Variants in LRTM1 observed in about 807,000 individuals in gnomAD.
LRTM1 encodes the protein leucine rich repeat transmembrane protein 1, also known as leucine-rich repeat and transmembrane domain-containing protein 1.
Under a neutral mutation model 32.4 loss-of-function variants are expected in LRTM1, and 38 were observed. The ratio of observed to expected loss-of-function variants is 1.17; its 90% CI spans 0.91 to 1.54. The LOEUF is 1.54. Among genes scored for constraint, LRTM1 ranks in the 40% most tolerant of loss-of-function variants. The probability of loss-of-function intolerance (pLI) is 0.00; values close to 1 mark genes in which losing one functional copy is unlikely to be tolerated. For missense variants in LRTM1, 466 were observed against 415.4 expected (o/e 1.12, Z -1.06); for synonymous variants, 186 against 169.9 (o/e 1.09, Z -0.74).
rs1404107289 is a variant in LRTM1, at chr3:54,924,786, T to C, written c.437A>G (p.Glu146Gly). ...TTGAACCGCAAGTATAGTTAGGTTC[T>C]CCCAAGTCTCTCCCAAGGATGTGGG... ...HLPTSLGETW[E>G]NLTILAVQQN... The change falls in exon 2 of 3, where the codon GAG becomes GGG. Residue 146 changes from glutamate (E) to glycine (G), a missense_variant. Glu to Gly is a moderately conservative substitution (Grantham distance 98). Transcript: ENST00000273286. 1.2e-6 allele frequency: 2 copies of C among 1,613,984 alleles called. No individual in the cohort carries two copies. Among genetic ancestry groups the C allele is most frequent in the African/African-American group, 2.7e-5 (2 of 74,898 alleles).
chr3:54,945,540 A>T (rs924702575), intron 1 of LRTM1, among the ~76,000 whole-genome samples: 1 of 152,006 alleles, frequency 6.6e-6, no homozygotes, highest in East Asian at 1.9e-4. Flanking sequence ...GGAGGCCTGG[A>T]CTTCTTTCCA....
At chr3:54,930,453 T>G (rs1701157127), upstream of LRTM1, among the ~76,000 whole-genome samples, 1 of 152,130 alleles carries the variant, frequency 6.6e-6, no homozygotes, top group African/African-American at 2.4e-5. Context: ...CCTCTTTAGG[T>G]TATAGTGGAG....
chr3:54,952,608 C>T (rs545553017), intron 1 of LRTM1, among the ~76,000 whole-genome samples: 16 of 152,200 alleles, frequency 1.1e-4, no homozygotes, highest in Non-Finnish European at 1.8e-4. Context: ...TTAGGTGAGT[C>T]CCTTTGGCTC....
intron 2 of LRTM1, among the ~76,000 whole-genome samples, chr3:54,919,444 G>A (rs1165162313): frequency 2.6e-5 from 4 of 152,220 alleles, no homozygotes; most frequent in African/African-American, 4.8e-5. Context: ...GACAATACTG[G>A]AAGTTTAGTT....
chr3:54,945,982 G>A (rs1020402009), intron 1 of LRTM1, among the ~76,000 whole-genome samples: 12 of 152,158 alleles, frequency 7.9e-5, no homozygotes, highest in African/African-American at 2.2e-4. Context: ...TCTTTGCCAC[G>A]CTTATTCGCC....
intron 1 of LRTM1, among the ~76,000 whole-genome samples, chr3:54,942,340 C>G (rs1414809329): frequency 1.3e-5 from 2 of 152,206 alleles, no homozygotes; most frequent in African/African-American, 4.8e-5. Flanking sequence ...GACCTCTCCC[C>G]CTGAGTTCTG....
chr3:54,953,422 A>G (rs955581009), intron 1 of LRTM1, among the ~76,000 whole-genome samples: 1 of 152,186 alleles, frequency 6.6e-6, no homozygotes, highest in Non-Finnish European at 1.5e-5. Context: ...GGTGAGACTC[A>G]TGAAATTCCC....
At chr3:54,925,681 A>G (rs898353899) in intron 1 of LRTM1, among the ~76,000 whole-genome samples, 1 of 152,234 alleles carries the variant, frequency 6.6e-6, no homozygotes, top group South Asian at 2.1e-4. Context: ...AGTGTCCTAC[A>G]TCTGCTTTCC....
chr3:54,922,145 T>C (rs1208083573), intron 2 of LRTM1, among the ~76,000 whole-genome samples: 1 of 152,116 alleles, frequency 6.6e-6, no homozygotes, highest in Admixed American at 6.5e-5. Context: ...TCACAGAATC[T>C]GAGGACTGGA....
intron 1 of LRTM1, among the ~76,000 whole-genome samples, chr3:54,955,570 C>G (rs1160880185): frequency 6.6e-6 from 1 of 152,174 alleles, no homozygotes; most frequent in East Asian, 1.9e-4. Flanking sequence ...AACGTTGATT[C>G]TGAGGCAGCT....
intron 1 of LRTM1, among the ~76,000 whole-genome samples, chr3:54,956,894 C>T (rs1231078848): frequency 6.6e-6 from 1 of 152,010 alleles, no homozygotes; most frequent in African/African-American, 2.4e-5. Context: ...GTTAGGGAAA[C>T]CTCTTTGCCT....
In LRTM1 at chr3:54,918,640, A is replaced by G. The variant is rs1312299754; in HGVS notation, c.857T>C (p.Ile286Thr). 6.2e-7 allele frequency: 1 copy of G among 1,614,088 alleles called. No individual in the cohort carries two copies. Among genetic ancestry groups the G allele is most frequent in the Non-Finnish European group, 8.5e-7 (1 of 1,180,042 alleles). Residue 286 changes from isoleucine (I) to threonine (T), a missense_variant, in exon 3 of 3, where the codon ATT becomes ACT. Physicochemically the swap from Ile to Thr is moderately conservative, Grantham distance 89 (BLOSUM62 -1). Transcript: ENST00000273286. ...KPRPANLRHA[I>T]ATVIITGVVC... ...AACGCCAGTGATGATGACAGTGGCA[A>G]TGGCATGACGCAGGTTGGCCGGCCT...
intron 1 of LRTM1, among the ~76,000 whole-genome samples, chr3:54,945,902 C>T (rs183178604): frequency 6.6e-5 from 10 of 152,188 alleles, no homozygotes; most frequent in East Asian, 3.9e-4. Context: ...TGGTGGATGG[C>T]GGGGGCCATC....
Position 54,961,835 on chromosome 3 carries a change from G to A in LRTM1, c.-222+5093C>T, listed in dbSNP as rs76055464. On this transcript the variant is annotated intron_variant, in intron 1 of 2. Transcript: ENST00000493075. ...TGCTTTTAACAGAGTGGTAGAAGCCGGGTAATTTGTAAAGAAAAGGAATTC... is the reference window on the plus strand; with the variant it reads ...TGCTTTTAACAGAGTGGTAGAAGCCAGGTAATTTGTAAAGAAAAGGAATTC... Among the ~76,000 whole-genome samples the A allele has an allele frequency of 1.4e-3, 220 of 152,158 alleles. 4 individuals are homozygous for A. Among genetic ancestry groups the A allele is most frequent in the African/African-American group, 5.0e-3 (208 of 41,506 alleles).
At chr3:54,950,987 A>G (rs1207139720) in intron 1 of LRTM1, among the ~76,000 whole-genome samples, 1 of 152,212 alleles carries the variant, frequency 6.6e-6, no homozygotes, top group African/African-American at 2.4e-5. Flanking sequence ...CTCACACCCA[A>G]GGCTCCTTTT....
Position 54,918,606 on chromosome 3 carries a change from C to G in LRTM1, c.891G>C (p.Gly297=). 6.2e-7 allele frequency: 1 copy of G among 1,614,168 alleles called. No homozygotes were observed. Among genetic ancestry groups the G allele is most frequent in the Non-Finnish European group, 8.5e-7 (1 of 1,180,014 alleles). Residue 297 remains glycine (G), a synonymous_variant, in exon 3 of 3, where the codon GGG becomes GGC. Transcript: ENST00000273286. ...ATVIITGVVC[G]IVCLMMLAAA... is the part of the protein sequence containing the mutation. ...CTGCCAACATCATGAGACACACAAT[C>G]CCACACACAACGCCAGTGATGATGA...
intron 1 of LRTM1, among the ~76,000 whole-genome samples, chr3:54,958,911 C>T (rs1701966385): frequency 6.6e-6 from 1 of 152,144 alleles, no homozygotes; most frequent in Admixed American, 6.5e-5. Context: ...TGAGACCAGC[C>T]TGGGCAACAT....
At chr3:54,923,101 C>G (rs1700900502) in intron 2 of LRTM1, among the ~76,000 whole-genome samples, 1 of 152,152 alleles carries the variant, frequency 6.6e-6, no homozygotes, top group Non-Finnish European at 1.5e-5. Context: ...TTCGTCAGTT[C>G]TCCCAAGAGT....
chr3:54,939,140 C>T (rs764631974), intron 1 of LRTM1, among the ~76,000 whole-genome samples: 1 of 152,222 alleles, frequency 6.6e-6, no homozygotes, highest in African/African-American at 2.4e-5. Context: ...CATCCTTAAA[C>T]TCTCAAGGCT....
Sources: gnomAD v4.1 joint callset for allele counts (sites outside exome capture counted in the v4.1 genomes callset) on GRCh38, gnomAD v4.1.1 for gene constraint, MANE v1.5 for transcripts, NCBI Gene and HGNC (gene_info 2026-07-23, HGNC 2026-07-21) for gene names.